Variants in PPP2R5E observed in about 807,000 individuals in gnomAD.
The protein encoded by PPP2R5E is serine/threonine-protein phosphatase 2A 56 kDa regulatory subunit epsilon isoform.
Under a neutral mutation model 65.3 loss-of-function variants are expected in PPP2R5E, and 4 were observed. The ratio of observed to expected loss-of-function variants is 0.06; its 90% CI spans 0.03 to 0.14. The LOEUF is 0.14. Among genes scored for constraint, PPP2R5E ranks in the 10% least tolerant of loss-of-function variants. PPP2R5E has a pLI of 1.00. For missense variants in PPP2R5E, 274 were observed against 556.1 expected (o/e 0.49, Z 5.10); for synonymous variants, 183 against 187.4 (o/e 0.98, Z 0.19).
intron 4 of PPP2R5E, among the ~76,000 whole-genome samples, chr14:63,419,698 C>T (rs750437851): frequency 2.6e-5 from 4 of 151,856 alleles, no homozygotes; most frequent in South Asian, 2.1e-4. Flanking sequence ...GGTTGATTTA[C>T]GAATTTTAAA....
chr14:63,427,715 G>A (rs921801285), intron 3 of PPP2R5E, among the ~76,000 whole-genome samples: 5 of 152,170 alleles, frequency 3.3e-5, no homozygotes, highest in African/African-American at 1.2e-4. Flanking sequence ...AGGGATGGGA[G>A]GAAAGGATGT....
At chr14:63,376,511 G>A (rs192785566) in intron 13 of PPP2R5E, among the ~76,000 whole-genome samples, 1 of 152,184 alleles carries the variant, frequency 6.6e-6, no homozygotes, top group East Asian at 1.9e-4. Flanking sequence ...CACTTTTAAT[G>A]ATCTGAAAAG....
chr14:63,487,543 G>T (rs553211127), intron 2 of PPP2R5E, among the ~76,000 whole-genome samples: 9 of 152,176 alleles, frequency 5.9e-5, no homozygotes, highest in Non-Finnish European at 1.2e-4. Flanking sequence ...TAGGCATTTC[G>T]AAATCAATCT....
chr14:63,439,925 C>T (rs1422856937), intron 3 of PPP2R5E, among the ~76,000 whole-genome samples: 1 of 152,240 alleles, frequency 6.6e-6, no homozygotes, highest in Non-Finnish European at 1.5e-5. Flanking sequence ...CAGCTATCCA[C>T]TGAGCAGTGC....
chr14:63,432,702 C>G (rs536492106), intron 3 of PPP2R5E, among the ~76,000 whole-genome samples: 4 of 152,010 alleles, frequency 2.6e-5, no homozygotes, highest in Non-Finnish European at 5.9e-5. Context: ...AAGAAAGATT[C>G]AAGGGAAAAA....
intron 2 of PPP2R5E, among the ~76,000 whole-genome samples, chr14:63,519,413 C>A (rs769489529): frequency 6.6e-6 from 1 of 151,322 alleles, no homozygotes; most frequent in Non-Finnish European, 1.5e-5. Context: ...TGCAGTGGTA[C>A]GATCTCTGCT....
chr14:63,527,836 G>A (rs927303391), intron 2 of PPP2R5E, among the ~76,000 whole-genome samples: 6 of 152,016 alleles, frequency 3.9e-5, no homozygotes, highest in African/African-American at 1.2e-4. Flanking sequence ...TCAGGAGGCT[G>A]AGGCAGAAGA....
intron 3 of PPP2R5E, among the ~76,000 whole-genome samples, chr14:63,446,944 G>A (rs1203985168): frequency 6.6e-6 from 1 of 152,046 alleles, no homozygotes; most frequent in East Asian, 1.9e-4. Context: ...TGGGGGAAAA[G>A]AAAAACAAAA....
intron 5 of PPP2R5E, among the ~76,000 whole-genome samples, chr14:63,413,875 G>C (rs1257097223): frequency 3.3e-5 from 5 of 152,230 alleles, no homozygotes; most frequent in African/African-American, 4.8e-5. Flanking sequence ...CACCAGTGTG[G>C]TACCAAAGTA....
chr14:63,461,023 A>G (rs1195776161), intron 2 of PPP2R5E, among the ~76,000 whole-genome samples: 1 of 152,226 alleles, frequency 6.6e-6, no homozygotes, highest in Non-Finnish European at 1.5e-5. Context: ...GAAACTTGTC[A>G]ACACATGAAA....
At chr14:63,448,019 C>T (rs1594885934) in intron 3 of PPP2R5E, among the ~76,000 whole-genome samples, 1 of 152,166 alleles carries the variant, frequency 6.6e-6, no homozygotes, top group Non-Finnish European at 1.5e-5. Context: ...AACTTCAGGT[C>T]GGGCGCGGTG....
At chr14:63,397,502 T>TTA (rs1885470215) in intron 5 of PPP2R5E, among the ~76,000 whole-genome samples, 1 of 62,294 alleles carries the variant, frequency 1.6e-5, no homozygotes, top group Non-Finnish European at 3.0e-5. Context: ...ATTCGGTCTT[T>TTA]AAAAAAAAAA....
chr14:63,424,624 G>A (rs1160254182), intron 3 of PPP2R5E, among the ~76,000 whole-genome samples: 22 of 151,940 alleles, frequency 1.4e-4, no homozygotes, highest in African/African-American at 4.8e-4. Flanking sequence ...GGTGGCGGGC[G>A]CCTGTAGTCC....
intron 2 of PPP2R5E, among the ~76,000 whole-genome samples, chr14:63,517,644 G>A (rs55858056): frequency 0.11 from 16,335 of 152,152 alleles, 927 homozygotes; most frequent in East Asian, 0.16. Flanking sequence ...ACAAAATGCA[G>A]TGCAGATAAT....
chr14:63,523,936 C>T (rs952976341), intron 2 of PPP2R5E, among the ~76,000 whole-genome samples: 4 of 152,056 alleles, frequency 2.6e-5, no homozygotes, highest in Non-Finnish European at 4.4e-5. Context: ...GAAGACAGCC[C>T]TTAGGAGCCT....
chr14:63,396,912 A>G (rs533703321), intron 5 of PPP2R5E, among the ~76,000 whole-genome samples, 196 bp from the exon 6 acceptor site: 2 of 152,338 alleles, frequency 1.3e-5, no homozygotes, highest in East Asian at 3.9e-4. Context: ...CTAAAGAAAT[A>G]CAAATACAAA....
intron 5 of PPP2R5E, among the ~76,000 whole-genome samples, chr14:63,399,980 G>A (rs1885652581): frequency 6.6e-6 from 1 of 151,808 alleles, no homozygotes. Context: ...TTGAATAAAA[G>A]ACAAGAGTTA....
rs778334287 is a variant in PPP2R5E at position 63,393,810 on chromosome 14, ATCC to A, written c.849+7_849+9del. The A allele has an allele frequency of 3.5e-5, 54 of 1,522,164 alleles. No individual in the cohort carries two copies. The Admixed American group carries it at 6.2e-4, about 18-fold the overall frequency. 94.3% of individuals were successfully genotyped at this position (1,522,164 alleles called of 1,614,324 possible). A position where few individuals can be genotyped will look rare whatever the true frequency, so the allele number is the denominator to read the frequency against. On this transcript the variant is annotated splice_region_variant and intron_variant, in intron 8 of 13. Transcript: ENST00000337537. ...TTGCTTCTAAAAGTAGTTGTACAAA[ATCC>A]TCCTACCTGTGCATGGAAGAGTGAT...
chr14:63,426,867 C>T (rs1040062435), intron 3 of PPP2R5E, among the ~76,000 whole-genome samples: 1 of 152,036 alleles, frequency 6.6e-6, no homozygotes, highest in African/African-American at 2.4e-5. Flanking sequence ...TCCATTGGGG[C>T]ACGGGGGAGG....
Sources: allele counts gnomAD v4.1 joint callset (sites outside exome capture counted in the v4.1 genomes callset), GRCh38; gene constraint gnomAD v4.1.1; transcripts MANE v1.5; gene names NCBI Gene and HGNC (gene_info 2026-07-23, HGNC 2026-07-21).